The following CHD7 variants were observed in gnomAD, a reference collection of about 807,000 sequenced individuals.
CHD7 encodes ATP-dependent chromatin remodeler CHD7.
A neutral mutation model predicts 307.3 loss-of-function variants in CHD7; 24 were observed. That is an observed-to-expected ratio of 0.08 (90% CI 0.06 to 0.11). The LOEUF is 0.11. Ranked by LOEUF, CHD7 falls within the 10% of genes least tolerant of loss-of-function variation. The pLI is 1.00. For missense variants in CHD7, 3,106 were observed against 3,727.1 expected (o/e 0.83, Z 4.34); for synonymous variants, 1,363 against 1,349.9 (o/e 1.01, Z -0.21).
intron 1 of CHD7, among the ~76,000 whole-genome samples, chr8:60,688,081 G>A (rs780073150): frequency 2.6e-5 from 4 of 152,184 alleles, no homozygotes; most frequent in Non-Finnish European, 5.9e-5. Flanking sequence ...ATATGTCATG[G>A]GATGTCTTCG....
chr8:60,743,192 T>C, intron 2 of CHD7, 95 bp downstream of exon 2: 1 of 1,050,962 alleles, frequency 9.5e-7, no homozygotes, highest in Non-Finnish European at 1.4e-6. Context: ...TATGAAAAGC[T>C]TTTTCATTAT....
Position 60,848,605 on chromosome 8 carries a change from GT to G in CHD7, c.5300+3del. On this transcript the variant is annotated splice_donor_variant, in intron 24 of 37. Transcript: ENST00000423902. LOFTEE classifies it high-confidence loss of function. ...AGATCTTAGAGGGTGCTGACTCAAG[GT>G]TAGTGCGAGCTCACATTTGTTCTCA... The G allele has an allele frequency of 6.2e-7, 1 of 1,610,164 alleles. No homozygotes were observed. Among genetic ancestry groups the G allele is most frequent in the South Asian group, 1.1e-5 (1 of 90,638 alleles).
chr8:60,697,678 TAAA>T (rs577640099), intron 1 of CHD7, among the ~76,000 whole-genome samples: 1 of 152,186 alleles, frequency 6.6e-6, no homozygotes, highest in Non-Finnish European at 1.5e-5. Flanking sequence ...AGTAGTTAAA[TAAA>T]AAACCACAAA....
intron 1 of CHD7, among the ~76,000 whole-genome samples, chr8:60,680,161 G>C (rs1805528396): frequency 6.6e-6 from 1 of 151,894 alleles, no homozygotes; most frequent in Non-Finnish European, 1.5e-5. Context: ...TGGCCCCCGA[G>C]GTGACCCGGG....
chr8:60,703,436 A>C (rs1002897472), intron 1 of CHD7, among the ~76,000 whole-genome samples: 6 of 152,204 alleles, frequency 3.9e-5, no homozygotes, highest in Admixed American at 6.5e-5. Flanking sequence ...TTATTGGTCA[A>C]GGTAGGGTTA....
At chr8:60,808,011 G>A (rs1812617685) in intron 6 of CHD7, among the ~76,000 whole-genome samples, 2 of 152,238 alleles carry the variant, frequency 1.3e-5, no homozygotes, top group African/African-American at 2.4e-5. Context: ...GCTCTCGCAC[G>A]TTGAGCAGAG....
intron 1 of CHD7, among the ~76,000 whole-genome samples, chr8:60,690,608 T>C (rs1413045926): frequency 1.3e-5 from 2 of 152,254 alleles, no homozygotes; most frequent in Non-Finnish European, 2.9e-5. Flanking sequence ...TAAGGAAAAC[T>C]GTCTTATATG....
At chr8:60,683,652 GATTA>G (rs1314964847) in intron 1 of CHD7, among the ~76,000 whole-genome samples, 1 of 152,216 alleles carries the variant, frequency 6.6e-6, no homozygotes, top group Non-Finnish European at 1.5e-5. Context: ...AGTCCAGAGA[GATTA>G]ATTAAATGAA....
chr8:60,835,260 C>G (rs187343028), intron 15 of CHD7, among the ~76,000 whole-genome samples: 31 of 152,298 alleles, frequency 2.0e-4, no homozygotes, highest in Non-Finnish European at 2.4e-4. Flanking sequence ...GGCCATCTTT[C>G]CTTAGGAAGA....
chr8:60,681,906 A>G lies in CHD7; in HGVS notation c.-175+2824A>G, dbSNP rs905615793. ...AGATAAGAAATGAATTATAATTTTA[A>G]AAGACTGGTATATGAATTTTAAATT... On this transcript the variant is annotated intron_variant, in intron 1 of 37. Coordinates refer to ENST00000423902, the MANE Select transcript of CHD7 (RefSeq NM_017780.4). 2.6e-5 allele frequency among the ~76,000 whole-genome samples: 4 copies of G among 152,296 alleles called. No homozygotes were observed. The East Asian group carries it at 7.7e-4, about 29-fold the overall frequency.
At position 60,845,671 on chromosome 8, in the gene CHD7, TGTG is replaced by T. The variant is rs147141054; in HGVS notation, c.5210+266_5210+268del. Among the ~76,000 whole-genome samples, 159 of 152,344 alleles carry T rather than the reference TGTG, an allele frequency of 1.0e-3. 2 individuals are homozygous for T. In the East Asian group the frequency reaches 0.028, roughly 27 times the overall value. Reference sequence around the variant, plus strand: ...CACAGCCTTATCATTTTTCTTGAAATGTGGTGTCAAGTTGCAGGAGAGCGTACC... The same window carrying T: ...CACAGCCTTATCATTTTTCTTGAAATGTGTCAAGTTGCAGGAGAGCGTACC... On this transcript the variant is annotated intron_variant, in intron 23 of 37. Transcript: ENST00000423902.
Position 60,742,515 on chromosome 8 carries a change from A to G in CHD7, c.1083A>G (p.Leu361=). 3 of 1,614,034 alleles carry G rather than the reference A, an allele frequency of 1.9e-6. No individual in the cohort carries two copies. The highest frequency in any genetic ancestry group is 2.2e-5 in the East Asian group (1 of 44,886). Residue 361 remains leucine (L), a synonymous_variant, in exon 2 of 38, where the codon CTA becomes CTG. Transcript: ENST00000423902. ...VGFPSNSGQG[L]MHQQPIHPSG... ...TCCCATCAAACAGTGGTCAAGGACT[A>G]ATGCACCAGCAGCCCATCCACCCCA...
intron 21 of CHD7, among the ~76,000 whole-genome samples, chr8:60,843,066 C>G (rs1805044182): frequency 6.6e-6 from 1 of 152,234 alleles, no homozygotes; most frequent in Admixed American, 6.5e-5. Context: ...GTCTGGCCTG[C>G]ACTTCCCATC....
rs752416856 is a variant in CHD7 at position 60,742,476 on chromosome 8, C to G, written c.1044C>G (p.Pro348=). 9 of 1,613,986 alleles carry G rather than the reference C, an allele frequency of 5.6e-6. No individual in the cohort carries two copies. In the South Asian group the frequency reaches 9.9e-5, roughly 18 times the overall value. ...TGAATCAGTCCGTACCAAGATACCC[C>G]AATGCTGTAGGATTCCCATCAAACA... is the stretch of plus-strand genomic sequence containing the variant. ...TPMNQSVPRY[P]NAVGFPSNSG... Residue 348 remains proline (P), a synonymous_variant, in exon 2 of 38, where the codon CCC becomes CCG. Transcript: ENST00000423902.
At chr8:60,862,053 T>C (rs1806002363) in intron 35 of CHD7, 143 bp from the exon 36 acceptor site, 2 of 651,812 alleles carry the variant, frequency 3.1e-6, no homozygotes, top group Non-Finnish European at 4.7e-6. Context: ...AAGAGAAAAA[T>C]ATGGTTTCTA....
intron 3 of CHD7, among the ~76,000 whole-genome samples, chr8:60,786,873 G>A (rs186318989): frequency 6.6e-6 from 1 of 152,276 alleles, no homozygotes; most frequent in African/African-American, 2.4e-5. Context: ...TGTCTTCTGC[G>A]TGGACGAAGG....
At chr8:60,827,217 G>A (rs1450668226) in intron 13 of CHD7, among the ~76,000 whole-genome samples, 9 of 150,642 alleles carry the variant, frequency 6.0e-5, no homozygotes, top group Non-Finnish European at 1.2e-4. Context: ...CCTGCACAAT[G>A]TACACATGTA....
intron 15 of CHD7, among the ~76,000 whole-genome samples, chr8:60,833,187 G>C (rs1360265182): frequency 6.6e-6 from 1 of 152,180 alleles, no homozygotes; most frequent in Non-Finnish European, 1.5e-5. Flanking sequence ...TTGTGGCAGA[G>C]TAAAGAAGCC....
intron 2 of CHD7, among the ~76,000 whole-genome samples, chr8:60,764,144 C>A (rs552823942): frequency 1.3e-5 from 2 of 152,072 alleles, no homozygotes. Flanking sequence ...CCCGCCACCA[C>A]GCCCAGATAA....
Sources: gnomAD v4.1 joint callset for allele counts (sites outside exome capture counted in the v4.1 genomes callset) on GRCh38, gnomAD v4.1.1 for gene constraint, MANE v1.5 for transcripts, NCBI Gene and HGNC (gene_info 2026-07-23, HGNC 2026-07-21) for gene names.